The following NCS1 variants were observed in gnomAD, a reference collection of about 807,000 sequenced individuals.
NCS1 encodes neuronal calcium sensor 1, also known as frequenin homolog.
Under a neutral mutation model 28.4 loss-of-function variants are expected in NCS1, and 6 were observed. That is an observed-to-expected ratio of 0.21 (90% confidence interval 0.12 to 0.42). The LOEUF (loss-of-function observed/expected upper bound fraction) is 0.42, where lower values mean the gene tolerates loss of function less well. Ranked by LOEUF, NCS1 falls within the 10% of genes least tolerant of loss-of-function variation. The probability of loss-of-function intolerance (pLI) is 1.00; values close to 1 mark genes in which losing one functional copy is unlikely to be tolerated. For missense variants in NCS1, 131 were observed against 241.4 expected (o/e 0.54, Z 3.03); for synonymous variants, 86 against 99.3 (o/e 0.87, Z 0.79).
intron 1 of NCS1, among the ~76,000 whole-genome samples, chr9:130,195,820 C>A (rs533555952): frequency 6.6e-6 from 1 of 152,324 alleles, no homozygotes; most frequent in South Asian, 2.1e-4. Context: ...GAGGCTGGAA[C>A]GGTCAGAGGA....
At chr9:130,218,242 C>G (rs1038458965) in intron 3 of NCS1, among the ~76,000 whole-genome samples, 27 of 152,230 alleles carry the variant, frequency 1.8e-4, no homozygotes, top group Middle Eastern at 3.2e-3. Flanking sequence ...CATCCAAGCT[C>G]TCACACAGAC....
At chr9:130,189,880 AT>A (rs1339754971) in intron 1 of NCS1, among the ~76,000 whole-genome samples, 661 of 47,426 alleles carry the variant, frequency 0.014, 15 homozygotes, top group African/African-American at 0.047. Flanking sequence ...AAAAAAAAAA[AT>A]ATATATATAT....
At chr9:130,204,717 G>A (rs1312972488) in intron 2 of NCS1, among the ~76,000 whole-genome samples, 1 of 152,222 alleles carries the variant, frequency 6.6e-6, no homozygotes, top group Non-Finnish European at 1.5e-5. Flanking sequence ...TAGGAGTAGT[G>A]TGAAGAATAA....
intron 1 of NCS1, among the ~76,000 whole-genome samples, chr9:130,195,967 C>T (rs1376425766): frequency 1.3e-5 from 2 of 152,166 alleles, no homozygotes; most frequent in East Asian, 1.9e-4. Context: ...GAGGCAGAGG[C>T]GGAGGCCCTG....
chr9:130,172,899 C>T (rs1470314091), intron 1 of NCS1, among the ~76,000 whole-genome samples, 172 bp downstream of exon 1: 1 of 150,420 alleles, frequency 6.6e-6, no homozygotes, highest in Non-Finnish European at 1.5e-5. Flanking sequence ...GCGCCCCTGC[C>T]CCCCGCCCGG....
intron 2 of NCS1, among the ~76,000 whole-genome samples, chr9:130,204,581 G>T (rs1237007988): frequency 6.6e-6 from 1 of 152,134 alleles, no homozygotes; most frequent in East Asian, 1.9e-4. Flanking sequence ...GAGCCACTGC[G>T]CCCGCCTCTG....
intron 2 of NCS1, among the ~76,000 whole-genome samples, chr9:130,213,398 C>T (rs1213799318): frequency 6.6e-6 from 1 of 151,872 alleles, no homozygotes; most frequent in African/African-American, 2.4e-5. Context: ...CTGCCTCAGC[C>T]TCCTGAGTAG....
chr9:130,213,582 C>T (rs1310112396), intron 2 of NCS1, among the ~76,000 whole-genome samples: 2 of 148,004 alleles, frequency 1.4e-5, no homozygotes, highest in Non-Finnish European at 3.0e-5. Context: ...CCTGGCCCAC[C>T]GGTTTTCTTT....
At position 130,236,671 on chromosome 9, in the gene NCS1, C is replaced by A. The variant is rs932794916; in HGVS notation, c.*3699C>A. ...GTCTTGGCATCTTAGCATCCAGGCT[C>A]AGGCTCTGCCCCTTCTCCAGGATGG... On this transcript the variant is annotated 3_prime_UTR_variant, in exon 8 of 8. Coordinates refer to ENST00000372398, the MANE Select transcript of NCS1 (RefSeq NM_014286.4). The A allele has an allele frequency of 6.6e-6, 1 of 152,516 alleles. No individual in the cohort carries two copies. The highest frequency in any genetic ancestry group is 2.4e-5 in the African/African-American group (1 of 41,508). The allele number at this position is 152,516 out of a possible 1,614,324, so 9.4% of individuals were successfully genotyped here.
chr9:130,196,504 C>T (rs1249670959), intron 1 of NCS1, among the ~76,000 whole-genome samples: 5 of 152,110 alleles, frequency 3.3e-5, no homozygotes, highest in Non-Finnish European at 5.9e-5. Context: ...TTTGGGAGGC[C>T]GAGGCGGATG....
In NCS1 at chr9:130,211,970, C is replaced by A. The variant is rs550549664; in HGVS notation, c.90-5862C>A. ...GAGAGGCTTCTCTCAGGGAGATGCT[C>A]TGGTGCCGAGAAGGAAGCGGTGAGT... On this transcript the variant is annotated intron_variant, in intron 2 of 7. Coordinates refer to ENST00000372398, the MANE Select transcript of NCS1 (RefSeq NM_014286.4). Among the ~76,000 whole-genome samples the A allele has an allele frequency of 5.3e-4, 80 of 152,180 alleles. 1 individual carries two copies. The highest frequency in any genetic ancestry group is 1.9e-3 in the African/African-American group (79 of 41,502).
chr9:130,235,120 A>AC lies in NCS1; in HGVS notation c.*2155dup, dbSNP rs5900889. Reference sequence around the variant, plus strand: ...AGGACTGCACGCTGGCCCCACGGTAACCCCCCCTCCCCCACCAACATCCTG... The same window carrying AC: ...AGGACTGCACGCTGGCCCCACGGTAACCCCCCCCTCCCCCACCAACATCCTG... On this transcript the variant is annotated 3_prime_UTR_variant, in exon 8 of 8. Transcript: ENST00000372398. 0.19 allele frequency: 28,602 copies of AC among 148,264 alleles called. 3,594 individuals carry two copies. Among genetic ancestry groups the AC allele is most frequent in the East Asian group, 0.61 (3,091 of 5,088 alleles). The allele number at this position is 148,264 out of a possible 1,614,324, so 9.2% of individuals were successfully genotyped here. A position where few individuals can be genotyped will look rare whatever the true frequency, so the allele number is the denominator to read the frequency against.
chr9:130,208,223 G>T (rs963501969), intron 2 of NCS1, among the ~76,000 whole-genome samples: 2 of 108,434 alleles, frequency 1.8e-5, no homozygotes, highest in Admixed American at 2.4e-4. Flanking sequence ...GGTGTGTGAG[G>T]TGGGGGTGGG....
rs2131111947 is a variant in NCS1 at position 130,175,968 on chromosome 9, C to T, written c.64+3241C>T. ...CTGTGGGATGGGCCGGTCCCCTCACCTACCTGAGCCTCAGTTTCCTCATCT... is the reference window on the plus strand; with the variant it reads ...CTGTGGGATGGGCCGGTCCCCTCACTTACCTGAGCCTCAGTTTCCTCATCT... On this transcript the variant is annotated intron_variant, in intron 1 of 7. Coordinates refer to ENST00000372398, the MANE Select transcript of NCS1 (RefSeq NM_014286.4). This position sits in a 1 kb window ranked among gnomAD's most constrained non-coding sequence, Gnocchi z 4.9. Among the ~76,000 whole-genome samples the T allele has an allele frequency of 6.6e-6, 1 of 152,328 alleles. No individual in the cohort carries two copies. The highest frequency in any genetic ancestry group is 1.5e-5 in the Non-Finnish European group (1 of 68,034).
chr9:130,195,838 T>C (rs1832871076), intron 1 of NCS1, among the ~76,000 whole-genome samples: 1 of 152,078 alleles, frequency 6.6e-6, no homozygotes, highest in South Asian at 2.1e-4. Flanking sequence ...GGAACTCCAG[T>C]GGGGTCAGGA....
rs1554910835 is a variant in NCS1, at chr9:130,223,084, G to T, written c.399G>T (p.Gly133=). 6.2e-7 allele frequency: 1 copy of T among 1,604,400 alleles called. No homozygotes were observed. The highest frequency in any genetic ancestry group is 1.1e-5 in the South Asian group (1 of 90,966). Residue 133 remains glycine (G), a splice_region_variant and synonymous_variant, in exon 6 of 8, where the codon GGG becomes GGT. Coordinates refer to ENST00000372398, the MANE Select transcript of NCS1 (RefSeq NM_014286.4). ...DIVDAIYQMV[G]NTVELPEEEN... Reference sequence around the variant, plus strand: ...CCCCGCCTTGTCCGTCCCTGCAGGGGAATACCGTGGAGCTCCCAGAGGAGG... The same window carrying T: ...CCCCGCCTTGTCCGTCCCTGCAGGGTAATACCGTGGAGCTCCCAGAGGAGG...
intron 4 of NCS1, among the ~76,000 whole-genome samples, chr9:130,221,683 C>A (rs953400086): frequency 7.0e-6 from 1 of 142,758 alleles, no homozygotes; most frequent in Non-Finnish European, 1.5e-5. Flanking sequence ...CTGCCCGCCT[C>A]GGCCTCCCAA....
chr9:130,181,695 T>C lies in NCS1; in HGVS notation c.64+8968T>C, dbSNP rs1564702311. Among the ~76,000 whole-genome samples the C allele has an allele frequency of 2.0e-5, 3 of 152,180 alleles. No individual in the cohort carries two copies. The highest frequency in any genetic ancestry group is 4.1e-4 in the South Asian group (2 of 4,824). ...TGGTGGAGGTGCCAGGGAGCCGCCA[T>C]GGAGGTGTGCAGGTGAGCGTGAGCG... is the stretch of plus-strand genomic sequence containing the variant. On this transcript the variant is annotated intron_variant, in intron 1 of 7. Coordinates refer to ENST00000372398, the MANE Select transcript of NCS1 (RefSeq NM_014286.4). The surrounding 1 kb of genome is among the most constrained non-coding windows in gnomAD (Gnocchi z 5.0).
intron 6 of NCS1, among the ~76,000 whole-genome samples, chr9:130,225,618 C>T (rs1554911282): frequency 2.0e-5 from 3 of 152,238 alleles, no homozygotes. Context: ...TCAGCTTCCT[C>T]ACTGGTAAAA....
Sources: allele counts gnomAD v4.1 joint callset (sites outside exome capture counted in the v4.1 genomes callset), GRCh38; gene constraint gnomAD v4.1.1; non-coding constraint Gnocchi (gnomAD v3.1); transcripts MANE v1.5; gene names NCBI Gene and HGNC (gene_info 2026-07-23, HGNC 2026-07-21).